HS3ST3A1: variants seen among roughly 807,000 people sequenced by gnomAD.
HS3ST3A1 encodes the protein heparan sulfate glucosamine 3-O-sulfotransferase 3A1.
A neutral mutation model predicts 25.7 loss-of-function variants in HS3ST3A1; 19 were observed. The ratio of observed to expected loss-of-function variants is 0.74; its 90% CI spans 0.52 to 1.08. The LOEUF (loss-of-function observed/expected upper bound fraction) is 1.08, where lower values mean the gene tolerates loss of function less well. HS3ST3A1 is among the 50% of genes least tolerant of loss of function. HS3ST3A1 has a pLI of 0.00. For synonymous variants in HS3ST3A1, 226 were observed against 278.6 expected (o/e 0.81, Z 1.88); for missense variants, 459 against 594.3 (o/e 0.77, Z 2.37).
At chr17:13,570,998 T>C (rs2142373069) in intron 1 of HS3ST3A1, among the ~76,000 whole-genome samples, 1 of 152,320 alleles carries the variant, frequency 6.6e-6, no homozygotes, top group East Asian at 1.9e-4. Flanking sequence ...AGGAGAGGCC[T>C]GTTGTTACCA....
intron 1 of HS3ST3A1, among the ~76,000 whole-genome samples, chr17:13,515,526 C>T (rs968989429): frequency 2.7e-5 from 4 of 146,088 alleles, no homozygotes; most frequent in East Asian, 2.0e-4. Flanking sequence ...ACATGCACCA[C>T]GATTTGTTTA....
chr17:13,551,437 C>T (rs547052824), intron 1 of HS3ST3A1, among the ~76,000 whole-genome samples: 1 of 151,636 alleles, frequency 6.6e-6, no homozygotes, highest in South Asian at 2.1e-4. Flanking sequence ...AGCAGCCATA[C>T]CCAGCTGACA....
Position 13,496,660 on chromosome 17 carries a change from T to C in HS3ST3A1, c.758A>G (p.Tyr253Cys), listed in dbSNP as rs772687320. ...GGGCCGCTTGGACAGCGTCTGCGTGTAGTCCGAGATGGCCCTGGTCACCGG... is the reference window on the plus strand; with the variant it reads ...GGGCCGCTTGGACAGCGTCTGCGTGCAGTCCGAGATGGCCCTGGTCACCGG... ...RDPVTRAISD[Y>C]TQTLSKRPDI... Residue 253 changes from tyrosine to cysteine, a missense_variant, in exon 2 of 2, where the codon TAC (tyrosine) becomes TGC (cysteine). Tyr to Cys is a radical substitution (Grantham distance 194). Transcript: ENST00000284110. The C allele has an allele frequency of 5.6e-6, 9 of 1,613,638 alleles. No individual in the cohort carries two copies. Among genetic ancestry groups the C allele is most frequent in the Admixed American group, 3.3e-5 (2 of 59,964 alleles).
intron 1 of HS3ST3A1, among the ~76,000 whole-genome samples, chr17:13,588,886 G>A (rs370613669): frequency 5.9e-5 from 9 of 152,040 alleles, no homozygotes; most frequent in South Asian, 2.1e-4. Flanking sequence ...GGGTTTCACC[G>A]TGTTAGCCAG....
chr17:13,499,135 C>T (rs1428486154), intron 1 of HS3ST3A1, among the ~76,000 whole-genome samples: 4 of 152,136 alleles, frequency 2.6e-5, no homozygotes, highest in Non-Finnish European at 4.4e-5. Flanking sequence ...GGTAAGAGTA[C>T]GTGAACACCA....
chr17:13,518,822 C>T (rs375170806), intron 1 of HS3ST3A1, among the ~76,000 whole-genome samples: 5 of 152,322 alleles, frequency 3.3e-5, no homozygotes, highest in African/African-American at 1.2e-4. Context: ...CCAAGATCAG[C>T]AGAGCCATCT....
chr17:13,587,601 C>T (rs1222542793), intron 1 of HS3ST3A1, among the ~76,000 whole-genome samples: 1 of 152,092 alleles, frequency 6.6e-6, no homozygotes, highest in African/African-American at 2.4e-5. Context: ...CCTCACTGTA[C>T]CCCTACTACT....
In HS3ST3A1 at chr17:13,601,029, G is replaced by C. The variant is rs1298878356; in HGVS notation, c.101C>G (p.Thr34Arg). ...CAGGCAGTAGAAGACGTAAAGGGAC[G>C]TGAGCAGGGAGCAGAGCATCAGCAA... Reference protein sequence around the residue: ...KFLLMLCSLLTSLYVFYCLAE... With the variant: ...KFLLMLCSLLRSLYVFYCLAE... Residue 34 changes from threonine (T) to arginine (R), a missense_variant, in exon 1 of 2, where the codon ACG becomes AGG. By Grantham distance (71) the Thr-to-Arg change is moderately conservative. Coordinates refer to ENST00000284110, the MANE Select transcript of HS3ST3A1 (RefSeq NM_006042.3). 5 of 1,593,880 alleles carry C rather than the reference G, an allele frequency of 3.1e-6. No individual in the cohort carries two copies. Among genetic ancestry groups the C allele is most frequent in the Admixed American group, 1.7e-5 (1 of 57,692 alleles).
chr17:13,552,602 A>G (rs1907273631), intron 1 of HS3ST3A1, among the ~76,000 whole-genome samples: 1 of 152,208 alleles, frequency 6.6e-6, no homozygotes, highest in South Asian at 2.1e-4. Context: ...TTACTTATAA[A>G]GAGAATCCCC....
At chr17:13,534,578 G>T (rs1259699180) in intron 1 of HS3ST3A1, among the ~76,000 whole-genome samples, 1,121 of 86,516 alleles carry the variant, frequency 0.013, 7 homozygotes, top group Middle Eastern at 0.034. Context: ...AAAAAAAAAA[G>T]TTAGCCGGGC....
intron 1 of HS3ST3A1, among the ~76,000 whole-genome samples, chr17:13,546,760 T>C (rs1233047411): frequency 6.6e-6 from 1 of 152,224 alleles, no homozygotes; most frequent in East Asian, 1.9e-4. Context: ...AACTGTGTCC[T>C]CTAGAACACC....
At chr17:13,539,412 TC>T (rs1906864450) in intron 1 of HS3ST3A1, among the ~76,000 whole-genome samples, 1 of 152,210 alleles carries the variant, frequency 6.6e-6, no homozygotes, top group African/African-American at 2.4e-5. Context: ...CCAATGTTTT[TC>T]TCAACCCTAG....
At chr17:13,587,332 T>C (rs145592673) in intron 1 of HS3ST3A1, among the ~76,000 whole-genome samples, 1,972 of 152,266 alleles carry the variant, frequency 0.013, 41 homozygotes, top group African/African-American at 0.044. Flanking sequence ...CGTGCGCCTG[T>C]AGTCCCAGCT....
At chr17:13,503,099 T>C (rs1190125610) in intron 1 of HS3ST3A1, among the ~76,000 whole-genome samples, 2 of 141,830 alleles carry the variant, frequency 1.4e-5, no homozygotes, top group African/African-American at 5.3e-5. Flanking sequence ...CGCTTGAACC[T>C]GGGAGGTAGA....
chr17:13,595,658 A>G (rs1908554694), intron 1 of HS3ST3A1, among the ~76,000 whole-genome samples: 1 of 152,204 alleles, frequency 6.6e-6, no homozygotes, highest in African/African-American at 2.4e-5. Context: ...GTTTACTATC[A>G]TTAGGAAACC....
At chr17:13,548,381 T>A (rs1180658128) in intron 1 of HS3ST3A1, among the ~76,000 whole-genome samples, 1 of 152,162 alleles carries the variant, frequency 6.6e-6, no homozygotes, top group Non-Finnish European at 1.5e-5. Flanking sequence ...TCTACTCTCA[T>A]CCTCTCACTT....
At chr17:13,579,943 T>TAAAAAAAAAAA (rs66568347) in intron 1 of HS3ST3A1, among the ~76,000 whole-genome samples, 3 of 81,950 alleles carry the variant, frequency 3.7e-5, no homozygotes, top group African/African-American at 1.5e-4. Flanking sequence ...TGACTCTGTC[T>TAAAAAAAAAAA]AAAAAAAAAA....
At chr17:13,578,619 A>T (rs1227048332) in intron 1 of HS3ST3A1, among the ~76,000 whole-genome samples, 5 of 151,688 alleles carry the variant, frequency 3.3e-5, no homozygotes, top group Non-Finnish European at 5.9e-5. Context: ...AAATTTATTC[A>T]ATCTAATCTG....
chr17:13,582,172 A>G (rs1281307149), intron 1 of HS3ST3A1, among the ~76,000 whole-genome samples: 1 of 152,180 alleles, frequency 6.6e-6, no homozygotes, highest in Non-Finnish European at 1.5e-5. Flanking sequence ...AGTATAGTAC[A>G]TCATCACTCA....
Sources: gnomAD v4.1 joint callset for allele counts (sites outside exome capture counted in the v4.1 genomes callset) on GRCh38, gnomAD v4.1.1 for gene constraint, MANE v1.5 for transcripts, NCBI Gene and HGNC (gene_info 2026-07-23, HGNC 2026-07-21) for gene names.